The following GALNTL6 variants were observed in gnomAD, a reference collection of about 807,000 sequenced individuals.
GALNTL6 encodes the protein polypeptide N-acetylgalactosaminyltransferase-like 6.
Under a neutral mutation model 73.7 loss-of-function variants are expected in GALNTL6, and 46 were observed. The ratio of observed to expected loss-of-function variants is 0.62; its 90% CI spans 0.49 to 0.80. The LOEUF is 0.80. Among genes scored for constraint, GALNTL6 ranks in the 30% least tolerant of loss-of-function variants. GALNTL6 has a pLI of 0.00. For missense variants in GALNTL6, 604 were observed against 755.0 expected (o/e 0.80, Z 2.34); for synonymous variants, 259 against 263.7 (o/e 0.98, Z 0.17).
chr4:172,241,755 C>T (rs762350626), intron 3 of GALNTL6, among the ~76,000 whole-genome samples: 18 of 152,244 alleles, frequency 1.2e-4, no homozygotes, highest in African/African-American at 2.9e-4. Context: ...TAGCCACTAA[C>T]GTAGTCATAT....
intron 2 of GALNTL6, among the ~76,000 whole-genome samples, chr4:172,185,422 A>C (rs570261639): frequency 1.3e-5 from 2 of 152,214 alleles, no homozygotes; most frequent in African/African-American, 2.4e-5. Context: ...CAATCTTGGT[A>C]GCATAAGATC....
intron 2 of GALNTL6, among the ~76,000 whole-genome samples, chr4:172,181,239 A>G (rs1239652419): frequency 6.6e-6 from 1 of 152,192 alleles, no homozygotes; most frequent in Non-Finnish European, 1.5e-5. Flanking sequence ...GGTAAACTGA[A>G]TCCAGCAGCA....
intron 5 of GALNTL6, among the ~76,000 whole-genome samples, chr4:172,586,483 A>G (rs1011964982): frequency 2.6e-5 from 4 of 152,114 alleles, no homozygotes; most frequent in African/African-American, 9.7e-5. Flanking sequence ...CAGAAAAAAA[A>G]AAAAAAAAGG....
At chr4:172,182,519 A>G (rs1735281212) in intron 2 of GALNTL6, among the ~76,000 whole-genome samples, 1 of 149,338 alleles carries the variant, frequency 6.7e-6, no homozygotes. Context: ...TATATTTAAA[A>G]TACATAATTT....
intron 9 of GALNTL6, among the ~76,000 whole-genome samples, chr4:172,933,553 T>C (rs1342506300): frequency 1.3e-5 from 2 of 152,132 alleles, no homozygotes; most frequent in Admixed American, 1.3e-4. Flanking sequence ...CAGAGCTCAT[T>C]TTTATTTTTT....
intron 2 of GALNTL6, among the ~76,000 whole-genome samples, chr4:172,146,689 C>T (rs1227331431): frequency 6.6e-6 from 1 of 152,158 alleles, no homozygotes; most frequent in African/African-American, 2.4e-5. Context: ...TGTCTATTGT[C>T]TGTCTCACCT....
At chr4:173,009,899 T>A (rs761874437) in intron 11 of GALNTL6, among the ~76,000 whole-genome samples, 1 of 152,220 alleles carries the variant, frequency 6.6e-6, no homozygotes, top group African/African-American at 2.4e-5. Flanking sequence ...TAGGTGTATA[T>A]ATGGGGTACA....
chr4:172,138,568 C>T (rs1453922231), intron 2 of GALNTL6, among the ~76,000 whole-genome samples: 3 of 102,798 alleles, frequency 2.9e-5, no homozygotes, highest in African/African-American at 3.9e-5. Flanking sequence ...CTCGCTCTGT[C>T]GCTCAGGCTA....
chr4:171,823,803 A>G (rs1230450533), intron 2 of GALNTL6, among the ~76,000 whole-genome samples: 1 of 151,476 alleles, frequency 6.6e-6, no homozygotes, highest in Non-Finnish European at 1.5e-5. Context: ...TGAAGGAAAC[A>G]AACAAATAAA....
intron 5 of GALNTL6, among the ~76,000 whole-genome samples, chr4:172,664,280 G>T (rs1731541280): frequency 6.6e-6 from 1 of 152,056 alleles, no homozygotes. Context: ...GTATATTAAA[G>T]GATCATGCAC....
At chr4:172,934,958 C>T (rs774282971) in intron 9 of GALNTL6, among the ~76,000 whole-genome samples, 6 of 152,210 alleles carry the variant, frequency 3.9e-5, no homozygotes, top group Admixed American at 2.6e-4. Context: ...TGGGGACAGT[C>T]CACAAACTCC....
At chr4:171,867,581 A>G (rs896338201) in intron 2 of GALNTL6, among the ~76,000 whole-genome samples, 1 of 152,270 alleles carries the variant, frequency 6.6e-6, no homozygotes, top group African/African-American at 2.4e-5. Context: ...TTTCACTTAC[A>G]TCTGTGCACA....
intron 7 of GALNTL6, among the ~76,000 whole-genome samples, chr4:172,852,200 T>C (rs1743860593): frequency 6.6e-6 from 1 of 152,108 alleles, no homozygotes; most frequent in Non-Finnish European, 1.5e-5. Context: ...CAGCTCAGCA[T>C]ATTCGAAGTG....
At chr4:172,376,966 G>GCA (rs1743055417) in intron 5 of GALNTL6, among the ~76,000 whole-genome samples, 1 of 152,130 alleles carries the variant, frequency 6.6e-6, no homozygotes, top group African/African-American at 2.4e-5. Flanking sequence ...CGTGGTGAGT[G>GCA]TTACAGCTCA....
chr4:172,047,786 G>GT (rs966824073), intron 2 of GALNTL6, among the ~76,000 whole-genome samples: 12 of 152,058 alleles, frequency 7.9e-5, no homozygotes, highest in African/African-American at 2.9e-4. Flanking sequence ...GATAGTCAAT[G>GT]TTTTTTAAAA....
intron 5 of GALNTL6, among the ~76,000 whole-genome samples, chr4:172,464,284 A>T (rs1281237366): frequency 6.6e-6 from 1 of 152,158 alleles, no homozygotes; most frequent in Non-Finnish European, 1.5e-5. Flanking sequence ...GGTAATAATA[A>T]TAGTAATAAT....
chr4:172,566,666 G>A (rs1579195601), intron 5 of GALNTL6, among the ~76,000 whole-genome samples: 1 of 151,080 alleles, frequency 6.6e-6, no homozygotes, highest in South Asian at 2.1e-4. Flanking sequence ...GTAGATAGAT[G>A]GGAAGAAAAA....
chr4:172,228,196 T>C (rs1427162283), intron 2 of GALNTL6, among the ~76,000 whole-genome samples: 12 of 152,154 alleles, frequency 7.9e-5, no homozygotes, highest in African/African-American at 2.9e-4. Context: ...TACTTTTCCA[T>C]TTTCTTTTAC....
chr4:171,865,085 G>A (rs768033060), intron 2 of GALNTL6, among the ~76,000 whole-genome samples: 1 of 152,012 alleles, frequency 6.6e-6, no homozygotes, highest in Non-Finnish European at 1.5e-5. Flanking sequence ...GGCGGAGATT[G>A]CCGTGAACCG....
Sources: allele counts gnomAD v4.1 joint callset (sites outside exome capture counted in the v4.1 genomes callset), GRCh38; gene constraint gnomAD v4.1.1; transcripts MANE v1.5; gene names NCBI Gene and HGNC (gene_info 2026-07-23, HGNC 2026-07-21).